CTNNA2: variants seen among roughly 807,000 people sequenced by gnomAD.
CTNNA2 encodes catenin alpha-2.
In CTNNA2, 42 loss-of-function variants were observed where a neutral mutation model predicts 101.0. That is an observed-to-expected ratio of 0.42 (90% confidence interval 0.32 to 0.54). CTNNA2 has a LOEUF of 0.54. CTNNA2 is among the 20% of genes least tolerant of loss of function. CTNNA2 has a pLI of 0.14. For synonymous variants in CTNNA2, 450 were observed against 456.4 expected, an observed-to-expected ratio of 0.99 and a Z score of 0.18; for missense variants, 871 against 1,223.1, an observed-to-expected ratio of 0.71 and a Z score of 4.29.
At chr2:79,438,578 G>T (rs1678743699) in intron 4 of CTNNA2, among the ~76,000 whole-genome samples, 1 of 152,098 alleles carries the variant, frequency 6.6e-6, no homozygotes, top group African/African-American at 2.4e-5. Flanking sequence ...CGCACTAGAT[G>T]CCAGTAGGAC....
intron 9 of CTNNA2, among the ~76,000 whole-genome samples, chr2:80,458,898 T>C (rs999055742): frequency 1.3e-5 from 2 of 152,230 alleles, no homozygotes; most frequent in African/African-American, 2.4e-5. Flanking sequence ...CTAGAATAGA[T>C]GTACACAATT....
At chr2:80,384,140 G>A (rs546484927) in intron 7 of CTNNA2, among the ~76,000 whole-genome samples, 10 of 152,260 alleles carry the variant, frequency 6.6e-5, no homozygotes, top group African/African-American at 2.4e-4. Flanking sequence ...ACAAAGAGGG[G>A]AACAACAGAC....
chr2:79,561,625 T>C (rs1383463296), intron 1 of CTNNA2, among the ~76,000 whole-genome samples: 1 of 151,860 alleles, frequency 6.6e-6, no homozygotes, highest in Non-Finnish European at 1.5e-5. Context: ...ATTATAGCCA[T>C]GGTAGTGAGT....
At chr2:79,497,554 G>T (rs144621739) in intron 4 of CTNNA2, among the ~76,000 whole-genome samples, 1 of 152,216 alleles carries the variant, frequency 6.6e-6, no homozygotes, top group Non-Finnish European at 1.5e-5. Context: ...CCATTTCTCA[G>T]TGTCTTGTTA....
chr2:79,567,860 GA>G, intron 1 of CTNNA2, among the ~76,000 whole-genome samples: 1 of 152,168 alleles, frequency 6.6e-6, no homozygotes, highest in South Asian at 2.1e-4. Context: ...CTCTAATCAG[GA>G]AAAAATGGTT....
intron 3 of CTNNA2, among the ~76,000 whole-genome samples, chr2:79,815,028 G>T (rs1427423399): frequency 6.6e-6 from 1 of 152,110 alleles, no homozygotes; most frequent in Admixed American, 6.5e-5. Flanking sequence ...AATTATTGGT[G>T]ATGTTGAGCA....
chr2:80,056,344 T>C (rs114159036), intron 7 of CTNNA2, among the ~76,000 whole-genome samples: 1,994 of 152,284 alleles, frequency 0.013, 26 homozygotes, highest in African/African-American at 0.044. Flanking sequence ...ACCTAATATT[T>C]AGCTGCAAGG....
At chr2:79,621,737 A>G (rs867607638) in intron 1 of CTNNA2, among the ~76,000 whole-genome samples, 1 of 152,196 alleles carries the variant, frequency 6.6e-6, no homozygotes, top group African/African-American at 2.4e-5. Context: ...GAGTAAGCTT[A>G]TAGTGGAGAA....
intron 4 of CTNNA2, among the ~76,000 whole-genome samples, chr2:79,415,926 C>T (rs1191783867): frequency 2.6e-5 from 4 of 152,232 alleles, no homozygotes; most frequent in Admixed American, 2.0e-4. Context: ...TGAGATATGA[C>T]TTGCTTGCTT....
At chr2:80,217,034 G>C (rs1033967426) in intron 7 of CTNNA2, among the ~76,000 whole-genome samples, 1 of 151,870 alleles carries the variant, frequency 6.6e-6, no homozygotes, top group Non-Finnish European at 1.5e-5. Context: ...ATTTCACCAT[G>C]TTGGCCAGGC....
At chr2:80,047,691 T>G (rs1696617626) in intron 7 of CTNNA2, among the ~76,000 whole-genome samples, 1 of 152,068 alleles carries the variant, frequency 6.6e-6, no homozygotes, top group Non-Finnish European at 1.5e-5. Flanking sequence ...TTCATAAAGG[T>G]CAAAGATAAG....
intron 2 of CTNNA2, among the ~76,000 whole-genome samples, chr2:79,211,255 C>G (rs1007963917): frequency 1.3e-5 from 2 of 152,220 alleles, no homozygotes; most frequent in Non-Finnish European, 1.5e-5. Context: ...TGAAAGTCTC[C>G]GGCACACTGT....
At chr2:79,375,498 TC>T (rs1677957605) in intron 4 of CTNNA2, among the ~76,000 whole-genome samples, 1 of 152,162 alleles carries the variant, frequency 6.6e-6, no homozygotes, top group Non-Finnish European at 1.5e-5. Context: ...ATTCATTCAT[TC>T]ATGTGACATT....
At chr2:79,764,329 T>TA (rs1364741166) in intron 3 of CTNNA2, among the ~76,000 whole-genome samples, 1 of 152,218 alleles carries the variant, frequency 6.6e-6, no homozygotes, top group Non-Finnish European at 1.5e-5. Context: ...TATTTCCTGT[T>TA]ATGCCAATTA....
intron 4 of CTNNA2, among the ~76,000 whole-genome samples, chr2:79,497,122 A>G (rs1217105986): frequency 6.6e-6 from 1 of 152,210 alleles, no homozygotes; most frequent in Non-Finnish European, 1.5e-5. Flanking sequence ...AACGTGTACC[A>G]TAATTGGAAG....
chr2:80,038,569 A>C (rs1695819452), intron 7 of CTNNA2, among the ~76,000 whole-genome samples: 2 of 152,018 alleles, frequency 1.3e-5, no homozygotes, highest in Admixed American at 1.3e-4. Flanking sequence ...GAAAATACAA[A>C]AATTAGCCAG....
intron 3 of CTNNA2, among the ~76,000 whole-genome samples, chr2:79,347,094 T>C (rs1677280450): frequency 6.6e-6 from 1 of 152,174 alleles, no homozygotes; most frequent in Non-Finnish European, 1.5e-5. Flanking sequence ...AACCTAACAT[T>C]TTAAAATATT....
chr2:80,638,930 C>CCA (rs1673153125), intron 18 of CTNNA2, among the ~76,000 whole-genome samples: 1 of 152,198 alleles, frequency 6.6e-6, no homozygotes, highest in African/African-American at 2.4e-5. Context: ...TGCCTTCCTG[C>CCA]CAAGGTCTTT....
At chr2:79,251,786 A>G (rs773595810) in intron 2 of CTNNA2, among the ~76,000 whole-genome samples, 7 of 152,204 alleles carry the variant, frequency 4.6e-5, no homozygotes, top group Non-Finnish European at 7.3e-5. Flanking sequence ...GGCAGTCTGT[A>G]AGAGACACTG....
Sources: gnomAD v4.1 joint callset for allele counts (sites outside exome capture counted in the v4.1 genomes callset) on GRCh38, gnomAD v4.1.1 for gene constraint, MANE v1.5 for transcripts, NCBI Gene and HGNC (gene_info 2026-07-23, HGNC 2026-07-21) for gene names.